The following DNAH7 variants were observed in gnomAD, a reference collection of about 807,000 sequenced individuals.
The protein encoded by DNAH7 is dynein axonemal heavy chain 7.
A neutral mutation model predicts 444.6 loss-of-function variants in DNAH7; 397 were observed. That is an observed-to-expected ratio of 0.89 (90% CI 0.82 to 0.97). The LOEUF (loss-of-function observed/expected upper bound fraction) is 0.97. Among genes scored for constraint, DNAH7 ranks in the 50% least tolerant of loss-of-function variants. The pLI is 0.00. For synonymous variants in DNAH7, 1,636 were observed against 1,624.4 expected (o/e 1.01, Z -0.17); for missense variants, 4,902 against 4,800.8 (o/e 1.02, Z -0.62).
At chr2:195,741,705 AGAG>A (rs2105877199) in intron 63 of DNAH7, among the ~76,000 whole-genome samples, 2 of 152,342 alleles carry the variant, frequency 1.3e-5, no homozygotes, top group South Asian at 4.2e-4. Flanking sequence ...TCCACCTTGT[AGAG>A]TTGTTAGAAT....
Position 195,794,349 on chromosome 2 carries a change from A to G in DNAH7, c.10705T>C (p.Cys3569Arg). The G allele has an allele frequency of 6.2e-7, 1 of 1,614,132 alleles. No individual in the cohort carries two copies. Among genetic ancestry groups the G allele is most frequent in the Non-Finnish European group, 8.5e-7 (1 of 1,180,004 alleles). ...PISDPEFFGS[C>R]KKPEEFKKLL... ...TAACCATTACTAACAGGCTTTTTGCAGCTGCCAAAGAACTCCGGATCAGAG... is the reference window on the plus strand; with the variant it reads ...TAACCATTACTAACAGGCTTTTTGCGGCTGCCAAAGAACTCCGGATCAGAG... The change falls in exon 57 of 65, where the codon TGC (cysteine) becomes CGC (arginine). Residue 3569 changes from cysteine (C) to arginine (R), a missense_variant. Physicochemically the swap from Cys to Arg is radical, Grantham distance 180 (BLOSUM62 -3). Coordinates refer to ENST00000312428, the MANE Select transcript of DNAH7 (RefSeq NM_018897.3).
intron 17 of DNAH7, among the ~76,000 whole-genome samples, 157 bp downstream of exon 17, chr2:195,969,791 G>C (rs919732753): frequency 2.0e-5 from 3 of 152,158 alleles, no homozygotes; most frequent in African/African-American, 7.2e-5. Flanking sequence ...ATTCCTTGAA[G>C]CATGTCTATA....
At chr2:195,958,336 A>G (rs1216376208) in intron 18 of DNAH7, among the ~76,000 whole-genome samples, 1 of 152,182 alleles carries the variant, frequency 6.6e-6, no homozygotes, top group Admixed American at 6.5e-5. Context: ...GATTTTCTTA[A>G]TAACATTTTC....
intron 1 of DNAH7, 199 bp downstream of exon 1, chr2:196,068,498 G>A (rs903532917): frequency 1.6e-5 from 11 of 706,916 alleles, no homozygotes; most frequent in African/African-American, 5.5e-5. Context: ...GACGACCAAG[G>A]GCAAACAGCT....
intron 19 of DNAH7, among the ~76,000 whole-genome samples, chr2:195,953,247 G>T (rs1484366116): frequency 6.6e-6 from 1 of 152,114 alleles, no homozygotes; most frequent in Non-Finnish European, 1.5e-5. Flanking sequence ...CTGTTTGCCT[G>T]GGTATCACCA....
At chr2:195,805,877 CT>C (rs1047960429) in intron 54 of DNAH7, among the ~76,000 whole-genome samples, 9 of 152,248 alleles carry the variant, frequency 5.9e-5, no homozygotes, top group African/African-American at 1.7e-4. Flanking sequence ...AAAAATGCCC[CT>C]AACCCATATT....
At chr2:196,046,824 C>T (rs531923276) in intron 5 of DNAH7, among the ~76,000 whole-genome samples, 19 of 152,198 alleles carry the variant, frequency 1.2e-4, no homozygotes, top group South Asian at 1.0e-3. Context: ...AGAATCATAA[C>T]GAAACTAAAG....
intron 39 of DNAH7, 145 bp from the exon 40 acceptor site, chr2:195,872,614 T>C: frequency 4.5e-6 from 2 of 446,414 alleles, no homozygotes; most frequent in East Asian, 4.0e-5. Context: ...CTTATTATAA[T>C]AATAATACTA....
At chr2:195,750,413 C>G (rs890959339) in intron 63 of DNAH7, among the ~76,000 whole-genome samples, 2 of 152,150 alleles carry the variant, frequency 1.3e-5, no homozygotes, top group African/African-American at 4.8e-5. Context: ...ATCATCAGTG[C>G]TGCTCAAACT....
At chr2:195,807,629 G>T (rs1297769467) in intron 53 of DNAH7, among the ~76,000 whole-genome samples, 1 of 152,216 alleles carries the variant, frequency 6.6e-6, no homozygotes, top group East Asian at 1.9e-4. Flanking sequence ...GTGTAATGAA[G>T]AAGCCAATTG....
intron 31 of DNAH7, among the ~76,000 whole-genome samples, chr2:195,889,650 C>T (rs564082914): frequency 6.6e-6 from 1 of 152,258 alleles, no homozygotes; most frequent in Non-Finnish European, 1.5e-5. Flanking sequence ...AATATATTAA[C>T]ATGTTTTAGA....
At chr2:195,899,549 C>G (rs1179774404) in intron 28 of DNAH7, among the ~76,000 whole-genome samples, 1 of 152,136 alleles carries the variant, frequency 6.6e-6, no homozygotes, top group African/African-American at 2.4e-5. Context: ...AGAATATCAC[C>G]ACTATATATC....
intron 2 of DNAH7, among the ~76,000 whole-genome samples, chr2:196,057,316 A>C (rs895512155): frequency 6.6e-6 from 1 of 152,222 alleles, no homozygotes; most frequent in African/African-American, 2.4e-5. Flanking sequence ...AGATTATTCA[A>C]CTCAGCCACT....
intron 55 of DNAH7, 51 bp downstream of exon 55, chr2:195,799,245 A>T: frequency 7.2e-7 from 1 of 1,391,346 alleles, no homozygotes; most frequent in African/African-American, 1.5e-5. Flanking sequence ...ATTATAAGCA[A>T]GTATTGCTTT....
At chr2:195,923,052 T>TG (rs2125354887) in intron 23 of DNAH7, among the ~76,000 whole-genome samples, 1 of 152,112 alleles carries the variant, frequency 6.6e-6, no homozygotes, top group Admixed American at 6.6e-5. Context: ...TTAGTAGAGA[T>TG]GGGGTTTCAC....
At chr2:195,895,909 G>A (rs542460089) in intron 29 of DNAH7, among the ~76,000 whole-genome samples, 10 of 151,284 alleles carry the variant, frequency 6.6e-5, no homozygotes, top group South Asian at 2.1e-4. Flanking sequence ...TTTTTTTGCC[G>A]AGTAATATTC....
chr2:195,931,899 A>G (rs1435773505), intron 21 of DNAH7, among the ~76,000 whole-genome samples: 122 of 152,088 alleles, frequency 8.0e-4, no homozygotes, highest in Non-Finnish European at 1.4e-3. Context: ...TTGACTTGGC[A>G]ATGTGGGCTC....
Position 195,751,748 on chromosome 2 carries a change from C to T in DNAH7, c.11764+2589G>A, listed in dbSNP as rs182333066. 3.0e-3 allele frequency among the ~76,000 whole-genome samples: 453 copies of T among 152,174 alleles called. 2 individuals are homozygous for T. The highest frequency in any genetic ancestry group is 5.0e-3 in the Non-Finnish European group (339 of 68,020). On this transcript the variant is annotated intron_variant, in intron 63 of 64. Transcript: ENST00000312428. ...ATGATGAGCTTGTACAGGTGGGCGGCGGCTAGAACACGCCTGGCCTCATTG... is the reference window on the plus strand; with the variant it reads ...ATGATGAGCTTGTACAGGTGGGCGGTGGCTAGAACACGCCTGGCCTCATTG...
chr2:196,016,623 G>A lies in DNAH7; in HGVS notation c.869+2547C>T, dbSNP rs1018054144. On this transcript the variant is annotated intron_variant, in intron 9 of 64. Transcript: ENST00000312428. ...TGAAGTATGTAGAAGGTCAGAATAT[G>A]TGTTAGAAACCCTGTATAATCTCAT... is the stretch of plus-strand genomic sequence containing the variant. 2.0e-5 allele frequency among the ~76,000 whole-genome samples: 3 copies of A among 152,214 alleles called. No individual in the cohort carries two copies. In the East Asian group the frequency reaches 5.8e-4, roughly 29 times the overall value.
Sources: allele counts gnomAD v4.1 joint callset (sites outside exome capture counted in the v4.1 genomes callset), GRCh38; gene constraint gnomAD v4.1.1; transcripts MANE v1.5; gene names NCBI Gene and HGNC (gene_info 2026-07-23, HGNC 2026-07-21).